The following NBEA variants were observed in gnomAD, a reference collection of about 807,000 sequenced individuals.
The protein encoded by NBEA is lysosomal-trafficking regulator 2.
A neutral mutation model predicts 343.4 loss-of-function variants in NBEA; 44 were observed. That is an observed-to-expected ratio of 0.13 (90% CI 0.10 to 0.16). The LOEUF is 0.16. Among genes scored for constraint, NBEA ranks in the 10% least tolerant of loss-of-function variants. The pLI, the probability that NBEA is intolerant of heterozygous loss-of-function variation, is 1.00. For synonymous variants in NBEA, 1,175 were observed against 1,238.7 expected (o/e 0.95, Z 1.08); for missense variants, 2,555 against 3,631.3 (o/e 0.70, Z 7.62).
At chr13:35,212,047 TAGA>T (rs1206363523) in intron 33 of NBEA, among the ~76,000 whole-genome samples, 2 of 151,908 alleles carry the variant, frequency 1.3e-5, no homozygotes, top group Non-Finnish European at 2.9e-5. Context: ...ACAGTTTTTA[TAGA>T]AGTATAACAC....
intron 34 of NBEA, among the ~76,000 whole-genome samples, chr13:35,271,755 A>G (rs2034172875): frequency 1.3e-5 from 2 of 152,228 alleles, no homozygotes; most frequent in African/African-American, 2.4e-5. Flanking sequence ...AAAGGATAGC[A>G]GCAATTGAAC....
intron 1 of NBEA, among the ~76,000 whole-genome samples, chr13:35,006,815 C>T (rs544484844): frequency 2.0e-5 from 3 of 152,216 alleles, no homozygotes; most frequent in East Asian, 1.9e-4. Context: ...TGCAGTGGCA[C>T]GATCTTGGCT....
At chr13:35,646,236 C>A in intron 50 of NBEA, 23 bp from the exon 51 acceptor site, 1 of 1,556,450 alleles carries the variant, frequency 6.4e-7, no homozygotes, top group Non-Finnish European at 8.9e-7. Flanking sequence ...TTGATTATGA[C>A]AATCACCCTC....
intron 34 of NBEA, among the ~76,000 whole-genome samples, chr13:35,256,990 G>T (rs1283077425): frequency 6.6e-6 from 1 of 152,144 alleles, no homozygotes; most frequent in Non-Finnish European, 1.5e-5. Context: ...ACCTGTTCCA[G>T]CCCCCACCTA....
chr13:35,528,932 C>T (rs1000702968), intron 41 of NBEA, among the ~76,000 whole-genome samples: 7 of 152,088 alleles, frequency 4.6e-5, no homozygotes, highest in African/African-American at 1.7e-4. Flanking sequence ...ATGCAGTATC[C>T]AGCCCCATAT....
rs371107334 is a variant in NBEA, at chr13:35,261,469, C to T, written c.5776+28850C>T. Among the ~76,000 whole-genome samples, 14 of 152,122 alleles carry T rather than the reference C, an allele frequency of 9.2e-5. No individual in the cohort carries two copies. The South Asian group carries it at 2.9e-3, about 32-fold the overall frequency. On this transcript the variant is annotated intron_variant, in intron 34 of 58. Transcript: ENST00000379939. ...GAGGTTGCAGTGAGCCAAGATTGTA[C>T]CACTGCACTCCAGCCTGGGCAACAG...
intron 33 of NBEA, among the ~76,000 whole-genome samples, chr13:35,218,434 T>G (rs1192739365): frequency 6.6e-6 from 1 of 152,088 alleles, no homozygotes. Flanking sequence ...TACATAATTC[T>G]GTCATCCACG....
chr13:35,050,196 A>C, intron 5 of NBEA, 73 bp from the exon 6 acceptor site: 1 of 1,376,274 alleles, frequency 7.3e-7, no homozygotes, highest in Non-Finnish European at 9.9e-7. Context: ...TTTTTATAAG[A>C]ATGTTTAATA....
At chr13:35,298,937 C>T (rs1415842839) in intron 35 of NBEA, among the ~76,000 whole-genome samples, 3 of 151,850 alleles carry the variant, frequency 2.0e-5, no homozygotes, top group African/African-American at 4.8e-5. Context: ...ATAAATGGTA[C>T]TTTAAATACT....
chr13:35,479,410 T>G (rs1156639931), intron 41 of NBEA, among the ~76,000 whole-genome samples: 1 of 152,190 alleles, frequency 6.6e-6, no homozygotes, highest in Non-Finnish European at 1.5e-5. Flanking sequence ...ATCCTTTCAG[T>G]GATCGTAGAC....
chr13:35,016,497 G>C (rs538647478), intron 1 of NBEA, among the ~76,000 whole-genome samples: 1 of 151,916 alleles, frequency 6.6e-6, no homozygotes, highest in Non-Finnish European at 1.5e-5. Context: ...GTTGCAAACT[G>C]TTATCTATCA....
At chr13:35,367,643 A>G (rs1158024947) in intron 38 of NBEA, among the ~76,000 whole-genome samples, 1 of 151,244 alleles carries the variant, frequency 6.6e-6, no homozygotes, top group Non-Finnish European at 1.5e-5. Context: ...ATTGATAAAG[A>G]TACCATTCAG....
intron 28 of NBEA, among the ~76,000 whole-genome samples, chr13:35,182,005 T>A (rs1233898056): frequency 1.3e-5 from 2 of 151,684 alleles, no homozygotes; most frequent in African/African-American, 2.4e-5. Context: ...TTGATTTTTT[T>A]AAAATCCAGG....
intron 48 of NBEA, among the ~76,000 whole-genome samples, chr13:35,619,855 G>A: frequency 6.6e-6 from 1 of 152,152 alleles, no homozygotes; most frequent in East Asian, 1.9e-4. Context: ...AGTCTTTACT[G>A]AGAGCTAGTT....
intron 33 of NBEA, among the ~76,000 whole-genome samples, chr13:35,228,377 T>C (rs1468885014): frequency 1.4e-5 from 2 of 146,958 alleles, no homozygotes; most frequent in Admixed American, 6.7e-5. Flanking sequence ...TAATTCTCTT[T>C]TTTTTTTTTT....
intron 34 of NBEA, among the ~76,000 whole-genome samples, chr13:35,267,316 T>C (rs2033764037): frequency 6.6e-6 from 1 of 151,960 alleles, no homozygotes; most frequent in African/African-American, 2.4e-5. Flanking sequence ...GCTAATTAGC[T>C]AGATTTAGTC....
intron 1 of NBEA, among the ~76,000 whole-genome samples, chr13:34,956,413 T>G (rs946646471): frequency 1.3e-5 from 2 of 151,548 alleles, no homozygotes; most frequent in African/African-American, 4.8e-5. Context: ...TTTTGGTCAT[T>G]AGGTTTATTC....
intron 34 of NBEA, among the ~76,000 whole-genome samples, chr13:35,249,565 A>C (rs957053973): frequency 2.6e-4 from 40 of 152,232 alleles, no homozygotes; most frequent in Non-Finnish European, 7.3e-5. Context: ...TATCAAAAAA[A>C]CAGAAAATAA....
chr13:35,082,071 C>T (rs1245318874), intron 10 of NBEA, among the ~76,000 whole-genome samples: 1 of 152,096 alleles, frequency 6.6e-6, no homozygotes, highest in African/African-American at 2.4e-5. Flanking sequence ...TCCCCACTTC[C>T]CCACCCCACA....
Sources: gnomAD v4.1 joint callset for allele counts (sites outside exome capture counted in the v4.1 genomes callset) on GRCh38, gnomAD v4.1.1 for gene constraint, MANE v1.5 for transcripts, NCBI Gene and HGNC (gene_info 2026-07-23, HGNC 2026-07-21) for gene names.